Variants in ZNF18 observed in about 807,000 individuals in gnomAD.
The protein encoded by ZNF18 is zinc finger protein 18, also known as heart development-specific gene 1 protein.
A neutral mutation model predicts 58.1 loss-of-function variants in ZNF18; 42 were observed. The ratio of observed to expected loss-of-function variants is 0.72; its 90% CI spans 0.56 to 0.93. ZNF18 has a LOEUF of 0.93. Among genes scored for constraint, ZNF18 ranks in the 40% least tolerant of loss-of-function variants. The probability of loss-of-function intolerance (pLI) is 0.00; values close to 1 mark genes in which losing one functional copy is unlikely to be tolerated. For missense variants in ZNF18, 540 were observed against 644.2 expected (o/e 0.84, Z 1.75); for synonymous variants, 231 against 239.8 (o/e 0.96, Z 0.34).
At chr17:11,981,099 T>C (rs554245760) in intron 6 of ZNF18, among the ~76,000 whole-genome samples, 9 of 152,252 alleles carry the variant, frequency 5.9e-5, no homozygotes, top group African/African-American at 2.2e-4. Flanking sequence ...GCCCCTGATC[T>C]GAGTCCAGAT....
the ZNF18 span, among the ~76,000 whole-genome samples, chr17:12,012,686 C>CT: frequency 2.5e-4 from 37 of 150,874 alleles, no homozygotes; most frequent in Admixed American, 2.1e-3. Flanking sequence ...TAATTTACAT[C>CT]TTTTTTTTTA....
rs934944890 is a variant in ZNF18, at chr17:11,990,347, A to G, written c.666+115T>C. The stretch of plus-strand genomic sequence containing the variant: ...AGAAAAAGTAAACTAACATATGGTG[A>G]CAGACAGCAGATCAGAGGTTTCCTC... On this transcript the variant is annotated intron_variant, in intron 4 of 6. Transcript: ENST00000580306. The G allele has an allele frequency of 2.3e-5, 18 of 792,666 alleles. No homozygotes were observed. The African/African-American group carries it at 3.0e-4, about 13-fold the overall frequency. 49.1% of individuals were successfully genotyped at this position (792,666 alleles called of 1,614,324 possible).
chr17:11,993,003 G>T, intron 1 of ZNF18, 92 bp from the exon 2 acceptor site: 1 of 700,186 alleles, frequency 1.4e-6, no homozygotes, highest in Non-Finnish European at 2.3e-6. Flanking sequence ...GAAGCCATGG[G>T]GTCAACTATG....
At chr17:11,987,845 C>T (rs944121483) in intron 4 of ZNF18, among the ~76,000 whole-genome samples, 1 of 152,150 alleles carries the variant, frequency 6.6e-6, no homozygotes, top group South Asian at 2.1e-4. Context: ...CCTGCCACCT[C>T]CCCATCCACC....
rs773783562 is a variant in ZNF18 at position 11,991,161 on chromosome 17, G to GT, written c.389_390insA (p.Ser131GlnfsTer29). ...TGTCCTGTCCTAGAACCTGGATACT[G>GT]ATCTAGAGACCATATATTAATTAGT... On this transcript the variant is annotated frameshift_variant and splice_region_variant, in exon 3 of 7. Coordinates refer to ENST00000580306, the MANE Select transcript of ZNF18 (RefSeq NM_001303281.2). LOFTEE classifies it high-confidence loss of function. 4 of 1,612,732 alleles carry GT rather than the reference G, an allele frequency of 2.5e-6. No homozygotes were observed. In the South Asian group the frequency reaches 4.4e-5, roughly 18 times the overall value.
At chr17:11,998,055 T>TTCTC (rs145467794), upstream of ZNF18, among the ~76,000 whole-genome samples, 30 of 150,618 alleles carry the variant, frequency 2.0e-4, no homozygotes, top group Middle Eastern at 3.4e-3. Flanking sequence ...TCTCTCTCTC[T>TTCTC]TCTCTCTCTC....
In ZNF18 at chr17:11,977,879, C is replaced by A; in HGVS notation, c.*78G>T. ...ATTAACAGGGGTATCCTCTTAGACA[C>A]AATTCCTCTTGATGGAGCTGAGTAT... On this transcript the variant is annotated 3_prime_UTR_variant, in exon 7 of 7. Coordinates refer to ENST00000580306, the MANE Select transcript of ZNF18 (RefSeq NM_001303281.2). 6.7e-7 allele frequency: 1 copy of A among 1,486,048 alleles called. No homozygotes were observed. The highest frequency in any genetic ancestry group is 9.0e-7 in the Non-Finnish European group (1 of 1,107,038). The allele number at this position is 1,486,048 out of a possible 1,614,324, so 92.1% of individuals were successfully genotyped here.
chr17:11,995,097 A>T (rs1240615981), intron 1 of ZNF18, among the ~76,000 whole-genome samples: 1 of 152,036 alleles, frequency 6.6e-6, no homozygotes, highest in Non-Finnish European at 1.5e-5. Flanking sequence ...GTCCTCATTA[A>T]ATTTATTTTT....
At chr17:12,013,415 G>A in the ZNF18 span, among the ~76,000 whole-genome samples, 1 of 152,088 alleles carries the variant, frequency 6.6e-6, no homozygotes, top group Non-Finnish European at 1.5e-5. Context: ...TAGAAATGAT[G>A]GGCTTATCTT....
At chr17:11,981,479 C>T (rs921539731) in intron 6 of ZNF18, among the ~76,000 whole-genome samples, 5 of 150,820 alleles carry the variant, frequency 3.3e-5, no homozygotes, top group African/African-American at 7.3e-5. Context: ...ACACCATGCC[C>T]GGTTTTTTGT....
intron 1 of ZNF18, among the ~76,000 whole-genome samples, chr17:11,994,610 G>A (rs1480305196): frequency 2.0e-5 from 3 of 152,174 alleles, no homozygotes; most frequent in African/African-American, 7.2e-5. Flanking sequence ...GGGAGGCTGA[G>A]GTGGCTGGAT....
the ZNF18 span, among the ~76,000 whole-genome samples, chr17:12,012,268 T>C: frequency 5.6e-4 from 86 of 152,302 alleles, no homozygotes; most frequent in Non-Finnish European, 1.1e-3. Flanking sequence ...TTTTAAAAGA[T>C]AACAATATAT....
rs1198848613 is a variant in ZNF18, at chr17:11,997,416, C to G, written c.-83+15G>C. The G allele has an allele frequency of 6.6e-6, 1 of 152,204 alleles. No homozygotes were observed. The highest frequency in any genetic ancestry group is 6.5e-5 in the Admixed American group (1 of 15,278). 9.4% of individuals were successfully genotyped at this position (152,204 alleles called of 1,614,324 possible). Reference sequence around the variant, plus strand: ...GAGCGGCCGGAGGCCGGGACCGCCCCGCAAGCGCGCTCACCTCGGCCCGCG... The same window carrying G: ...GAGCGGCCGGAGGCCGGGACCGCCCGGCAAGCGCGCTCACCTCGGCCCGCG... On this transcript the variant is annotated intron_variant, in intron 1 of 6. Transcript: ENST00000580306.
At chr17:11,991,259 A>T in intron 2 of ZNF18, 96 bp from the exon 3 acceptor site, 1 of 1,105,622 alleles carries the variant, frequency 9.0e-7, no homozygotes, top group South Asian at 1.9e-5. Flanking sequence ...TCATAAGACA[A>T]TTTCTAAGGA....
At chr17:12,006,907 C>A in the ZNF18 span, among the ~76,000 whole-genome samples, 98,689 of 152,026 alleles carry the variant, frequency 0.65, 33,619 homozygotes, top group South Asian at 0.81. Context: ...TTCTGTAATA[C>A]TGTAATAAAT....
At chr17:11,978,893 C>CTACG in intron 6 of ZNF18, 149 bp from the exon 7 acceptor site, 1 of 518,388 alleles carries the variant, frequency 1.9e-6, no homozygotes, top group Non-Finnish European at 3.1e-6. Flanking sequence ...AGAAAGAAAA[C>CTACG]TACCATATGG....
intron 6 of ZNF18, among the ~76,000 whole-genome samples, chr17:11,979,871 A>G (rs544675513): frequency 6.6e-6 from 1 of 152,318 alleles, no homozygotes; most frequent in African/African-American, 2.4e-5. Context: ...GCCTTTATAA[A>G]TATCATTTTA....
At chr17:12,020,814 C>T in the ZNF18 span, 1 of 655,512 alleles carries the variant, frequency 1.5e-6, no homozygotes, top group Non-Finnish European at 2.1e-6. Flanking sequence ...AAGCCTCGCC[C>T]CTCGGCCGTG....
chr17:11,982,090 C>A (rs559117578), intron 6 of ZNF18, among the ~76,000 whole-genome samples: 1 of 152,144 alleles, frequency 6.6e-6, no homozygotes, highest in African/African-American at 2.4e-5. Flanking sequence ...CCCCAACCCC[C>A]CTCTCTGCTA....
Sources: gnomAD v4.1 joint callset for allele counts (sites outside exome capture counted in the v4.1 genomes callset) on GRCh38, gnomAD v4.1.1 for gene constraint, MANE v1.5 for transcripts, NCBI Gene and HGNC (gene_info 2026-07-23, HGNC 2026-07-21) for gene names.